Variants in SNCAIP observed in about 807,000 individuals in gnomAD.
SNCAIP encodes synuclein alpha interacting protein.
SNCAIP carries 43 observed loss-of-function variants against 86.7 expected under a neutral mutation model. The observed-to-expected ratio is 0.50, with a 90% confidence interval of 0.39 to 0.64. SNCAIP has a LOEUF of 0.64. Ranked by LOEUF, SNCAIP falls within the 30% of genes least tolerant of loss-of-function variation. SNCAIP has a pLI of 0.00. For missense variants in SNCAIP, 981 were observed against 1,103.1 expected (o/e 0.89, Z 1.57); for synonymous variants, 417 against 427.2 (o/e 0.98, Z 0.29).
chr5:122,438,447 T>G (rs1338694511), intron 6 of SNCAIP, among the ~76,000 whole-genome samples: 1 of 152,206 alleles, frequency 6.6e-6, no homozygotes. Flanking sequence ...ACTTCCAGGA[T>G]GGGCTCCAGC....
At chr5:122,430,270 CTT>C (rs1042720223) in intron 5 of SNCAIP, among the ~76,000 whole-genome samples, 6 of 152,192 alleles carry the variant, frequency 3.9e-5, no homozygotes, top group African/African-American at 1.4e-4. Context: ...AACCATACCT[CTT>C]TTCTCCTGGG....
chr5:122,448,895 A>G (rs1028193363), intron 8 of SNCAIP, among the ~76,000 whole-genome samples: 3 of 149,690 alleles, frequency 2.0e-5, no homozygotes, highest in African/African-American at 7.3e-5. Context: ...GGGTGCCTGT[A>G]GTCCCAGTTA....
intron 3 of SNCAIP, among the ~76,000 whole-genome samples, chr5:122,414,644 C>T (rs558505041): frequency 1.8e-4 from 27 of 152,220 alleles, no homozygotes; most frequent in African/African-American, 5.3e-4. Flanking sequence ...AAAATGAGTA[C>T]GACCACTGAT....
At chr5:122,372,193 A>G (rs1764409777) in intron 1 of SNCAIP, among the ~76,000 whole-genome samples, 1 of 152,194 alleles carries the variant, frequency 6.6e-6, no homozygotes, top group Non-Finnish European at 1.5e-5. Flanking sequence ...TTATGTAAAT[A>G]AAACATCAGC....
At chr5:122,455,891 T>C (rs912871546) in intron 10 of SNCAIP, among the ~76,000 whole-genome samples, 2 of 152,116 alleles carry the variant, frequency 1.3e-5, no homozygotes, top group African/African-American at 4.8e-5. Context: ...AGAGGATCAC[T>C]TGGTTTATAA....
intron 1 of SNCAIP, among the ~76,000 whole-genome samples, chr5:122,347,291 T>C (rs981264680): frequency 4.6e-5 from 7 of 152,090 alleles, no homozygotes; most frequent in African/African-American, 1.7e-4. Flanking sequence ...TAAAGCTTGC[T>C]AGGATAAAGT....
At chr5:122,430,213 A>G (rs1274758746) in intron 5 of SNCAIP, among the ~76,000 whole-genome samples, 1 of 152,188 alleles carries the variant, frequency 6.6e-6, no homozygotes, top group East Asian at 1.9e-4. Flanking sequence ...ATCCTATTCT[A>G]CTAATTTAAA....
At chr5:122,458,777 A>G (rs935456541) in intron 10 of SNCAIP, among the ~76,000 whole-genome samples, 9 of 152,256 alleles carry the variant, frequency 5.9e-5, no homozygotes, top group African/African-American at 1.4e-4. Context: ...CAGGGAGATC[A>G]TAATCAAGAG....
intron 1 of SNCAIP, among the ~76,000 whole-genome samples, chr5:122,386,894 A>T (rs1276651669): frequency 6.6e-6 from 1 of 152,136 alleles, no homozygotes; most frequent in East Asian, 1.9e-4. Flanking sequence ...CAATGCCAGT[A>T]AAAAGAAATG....
chr5:122,358,502 T>A (rs963431136), intron 1 of SNCAIP, among the ~76,000 whole-genome samples: 1 of 151,844 alleles, frequency 6.6e-6, no homozygotes, highest in African/African-American at 2.4e-5. Flanking sequence ...TCAAATAAAA[T>A]TCTTATCTGA....
intron 4 of SNCAIP, 60 bp downstream of exon 4, chr5:122,423,799 T>G: frequency 7.0e-7 from 1 of 1,430,710 alleles, no homozygotes; most frequent in Non-Finnish European, 9.6e-7. Flanking sequence ...TTTAATAAAC[T>G]GCATTCGTTA....
chr5:122,444,977 A>G (rs1781962321), intron 8 of SNCAIP: 1 of 526,188 alleles, frequency 1.9e-6, no homozygotes, highest in Non-Finnish European at 3.5e-6. Flanking sequence ...CAGGGAATTT[A>G]AGCCAGTGGA....
chr5:122,347,314 A>G (rs1034083036), intron 1 of SNCAIP, among the ~76,000 whole-genome samples: 7 of 151,956 alleles, frequency 4.6e-5, no homozygotes, highest in Admixed American at 4.6e-4. Flanking sequence ...TGGTCATAAC[A>G]TCTTTACCAC....
At chr5:122,320,711 C>T (rs931180874) in intron 1 of SNCAIP, among the ~76,000 whole-genome samples, 1 of 152,134 alleles carries the variant, frequency 6.6e-6, no homozygotes, top group African/African-American at 2.4e-5. Context: ...TCTCAGTCCC[C>T]GCTTTGCAGA....
At chr5:122,396,311 C>T (rs1301188389) in intron 2 of SNCAIP, among the ~76,000 whole-genome samples, 1 of 152,102 alleles carries the variant, frequency 6.6e-6, no homozygotes, top group East Asian at 1.9e-4. Flanking sequence ...TAGTGTTAGA[C>T]CCCAGGACTA....
At chr5:122,457,750 GAGA>G (rs1364676694) in intron 10 of SNCAIP, among the ~76,000 whole-genome samples, 1 of 152,180 alleles carries the variant, frequency 6.6e-6, no homozygotes, top group Non-Finnish European at 1.5e-5. Context: ...CCATGACTTG[GAGA>G]AGAAGAGGAG....
chr5:122,463,485 G>T lies in SNCAIP; in HGVS notation c.2755-6G>T. ...AATTTTGGCCTGTGGTTTCTCTTCT[G>T]CTTAGGCATAATGACATCAATAGAA... On this transcript the variant is annotated splice_region_variant and splice_polypyrimidine_tract_variant and intron_variant, in intron 10 of 10. Coordinates refer to ENST00000261368, the MANE Select transcript of SNCAIP (RefSeq NM_005460.4). 1 of 1,575,914 alleles carries T rather than the reference G, an allele frequency of 6.3e-7. No individual in the cohort carries two copies. Among genetic ancestry groups the T allele is most frequent in the Non-Finnish European group, 8.7e-7 (1 of 1,146,610 alleles).
intron 1 of SNCAIP, among the ~76,000 whole-genome samples, chr5:122,366,723 A>G (rs1763267403): frequency 6.6e-6 from 1 of 152,116 alleles, no homozygotes; most frequent in African/African-American, 2.4e-5. Flanking sequence ...AGCTGAATGT[A>G]GGCAGGCACC....
chr5:122,445,912 C>A (rs577113749), intron 8 of SNCAIP, among the ~76,000 whole-genome samples: 4 of 152,022 alleles, frequency 2.6e-5, no homozygotes, highest in South Asian at 2.1e-4. Flanking sequence ...AGTCTCTGTG[C>A]CCCTCTACCC....
Sources: allele counts gnomAD v4.1 joint callset (sites outside exome capture counted in the v4.1 genomes callset), GRCh38; gene constraint gnomAD v4.1.1; transcripts MANE v1.5; gene names NCBI Gene and HGNC (gene_info 2026-07-23, HGNC 2026-07-21).